The following DLG2 variants were observed in gnomAD, a reference collection of about 807,000 sequenced individuals.
The protein encoded by DLG2 is disks large homolog 2.
Under a neutral mutation model 132.5 loss-of-function variants are expected in DLG2, and 45 were observed. The ratio of observed to expected loss-of-function variants is 0.34; its 90% CI spans 0.27 to 0.44. The LOEUF is 0.44. Among genes scored for constraint, DLG2 ranks in the 20% least tolerant of loss-of-function variants. The pLI is 1.00. For synonymous variants in DLG2, 424 were observed against 419.6 expected (o/e 1.01, Z -0.13); for missense variants, 1,045 against 1,196.9 (o/e 0.87, Z 1.87).
intron 4 of DLG2, among the ~76,000 whole-genome samples, chr11:85,213,794 G>T (rs754304795): frequency 6.6e-6 from 1 of 152,088 alleles, no homozygotes; most frequent in Non-Finnish European, 1.5e-5. Context: ...TGGTGGACAG[G>T]AAGGGTATGT....
chr11:83,573,745 G>A (rs926122916), intron 19 of DLG2, among the ~76,000 whole-genome samples: 3 of 152,230 alleles, frequency 2.0e-5, no homozygotes, highest in African/African-American at 7.2e-5. Flanking sequence ...AGCAAACTGA[G>A]CCCTGGTATT....
chr11:85,488,387 T>TAA (rs574434031), intron 3 of DLG2, among the ~76,000 whole-genome samples: 3 of 139,144 alleles, frequency 2.2e-5, no homozygotes, highest in South Asian at 2.3e-4. Context: ...AGACTGCGTC[T>TAA]AAAAAAAAAA....
At chr11:84,858,644 T>C (rs1349344611) in intron 6 of DLG2, among the ~76,000 whole-genome samples, 4 of 152,114 alleles carry the variant, frequency 2.6e-5, no homozygotes, top group Admixed American at 1.3e-4. Flanking sequence ...AATTAACACA[T>C]GAGACATGTT....
At chr11:83,663,661 T>C (rs534524298) in intron 18 of DLG2, among the ~76,000 whole-genome samples, 3 of 152,286 alleles carry the variant, frequency 2.0e-5, no homozygotes, top group African/African-American at 7.2e-5. Context: ...TTGTATGCTC[T>C]GACTCAGGGG....
At chr11:83,996,296 G>A (rs1041579450) in intron 11 of DLG2, among the ~76,000 whole-genome samples, 7 of 152,050 alleles carry the variant, frequency 4.6e-5, no homozygotes, top group African/African-American at 1.4e-4. Flanking sequence ...CAGTTAAAAT[G>A]GCCTATGTCC....
chr11:83,757,517 A>G (rs973504030), intron 18 of DLG2, among the ~76,000 whole-genome samples: 4 of 152,190 alleles, frequency 2.6e-5, no homozygotes, highest in Non-Finnish European at 5.9e-5. Context: ...GGTAGGGACA[A>G]CCCACCATGT....
chr11:83,698,073 C>T (rs2082237274), intron 18 of DLG2, among the ~76,000 whole-genome samples: 1 of 152,198 alleles, frequency 6.6e-6, no homozygotes, highest in African/African-American at 2.4e-5. Flanking sequence ...TTGAGTCTCA[C>T]TTAAGCATCA....
chr11:85,403,297 C>A (rs1030750050), intron 3 of DLG2, among the ~76,000 whole-genome samples: 1 of 151,892 alleles, frequency 6.6e-6, no homozygotes, highest in Non-Finnish European at 1.5e-5. Context: ...ACAACAAGAA[C>A]GCATGCACAC....
At chr11:84,841,903 C>T (rs945046116) in intron 6 of DLG2, among the ~76,000 whole-genome samples, 2 of 151,838 alleles carry the variant, frequency 1.3e-5, no homozygotes, top group Non-Finnish European at 2.9e-5. Context: ...GATAATGTTG[C>T]AGTAAACATT....
chr11:84,781,649 A>G lies in DLG2; in HGVS notation c.358-246918T>C, dbSNP rs533806869. Reference sequence around the variant, plus strand: ...AAATGTTATTGCTCCTCTTTAGGAGACACAAATTGAAGACTGAGACCCTCT... The same window carrying G: ...AAATGTTATTGCTCCTCTTTAGGAGGCACAAATTGAAGACTGAGACCCTCT... On this transcript the variant is annotated intron_variant, in intron 6 of 27. Coordinates refer to ENST00000376104, the MANE Select transcript of DLG2 (RefSeq NM_001142699.3). Among the ~76,000 whole-genome samples the G allele has an allele frequency of 5.9e-5, 9 of 152,258 alleles. No individual in the cohort carries two copies. In the South Asian group the frequency reaches 6.2e-4, roughly 11 times the overall value.
intron 7 of DLG2, among the ~76,000 whole-genome samples, chr11:84,285,075 T>C (rs1448487868): frequency 6.6e-6 from 1 of 152,222 alleles, no homozygotes; most frequent in Non-Finnish European, 1.5e-5. Context: ...CATTATTATG[T>C]AAGTGGCTCC....
chr11:84,678,907 T>C (rs937506899), intron 6 of DLG2, among the ~76,000 whole-genome samples: 1 of 152,092 alleles, frequency 6.6e-6, no homozygotes, highest in Non-Finnish European at 1.5e-5. Context: ...ACTTATTGCA[T>C]AAGTTTGGAG....
chr11:85,470,195 C>A (rs2092936658), intron 3 of DLG2, among the ~76,000 whole-genome samples: 3 of 146,042 alleles, frequency 2.1e-5, no homozygotes, highest in African/African-American at 5.0e-5. Flanking sequence ...GACATGAAAA[C>A]CAAATTAATC....
At chr11:85,195,231 G>A (rs1052886554) in intron 4 of DLG2, among the ~76,000 whole-genome samples, 1 of 152,096 alleles carries the variant, frequency 6.6e-6, no homozygotes, top group African/African-American at 2.4e-5. Context: ...GGAGGCAAAG[G>A]GGAAGAGGAC....
At chr11:84,296,198 CT>C (rs541548159) in intron 7 of DLG2, among the ~76,000 whole-genome samples, 6 of 149,774 alleles carry the variant, frequency 4.0e-5, no homozygotes, top group African/African-American at 1.2e-4. Context: ...CAATGTTTGG[CT>C]TTTTTTTTCA....
At chr11:84,108,905 A>G (rs2093156134) in intron 9 of DLG2, among the ~76,000 whole-genome samples, 1 of 152,036 alleles carries the variant, frequency 6.6e-6, no homozygotes, top group Non-Finnish European at 1.5e-5. Context: ...GGACTTACTG[A>G]TGGCTGGAAC....
At chr11:85,482,252 A>G (rs1189595697) in intron 3 of DLG2, among the ~76,000 whole-genome samples, 1 of 151,972 alleles carries the variant, frequency 6.6e-6, no homozygotes. Context: ...TATAGGATCC[A>G]GGCTCCACCC....
intron 6 of DLG2, among the ~76,000 whole-genome samples, chr11:84,675,829 G>A (rs916921312): frequency 1.3e-5 from 2 of 152,084 alleles, no homozygotes; most frequent in South Asian, 2.1e-4. Flanking sequence ...TTTCCCAACT[G>A]AGAGTAATTA....
At chr11:85,316,683 C>T (rs775586385) in intron 3 of DLG2, among the ~76,000 whole-genome samples, 45 of 151,816 alleles carry the variant, frequency 3.0e-4, no homozygotes, top group Non-Finnish European at 5.5e-4. Flanking sequence ...ACAAACTCAA[C>T]CCTATCTGTA....
Sources: allele counts gnomAD v4.1 joint callset (sites outside exome capture counted in the v4.1 genomes callset), GRCh38; gene constraint gnomAD v4.1.1; transcripts MANE v1.5; gene names NCBI Gene and HGNC (gene_info 2026-07-23, HGNC 2026-07-21).